ZNF536: variants seen among roughly 807,000 people sequenced by gnomAD.
The protein encoded by ZNF536 is zinc finger protein 536.
A neutral mutation model predicts 84.5 loss-of-function variants in ZNF536; 13 were observed. The ratio of observed to expected loss-of-function variants is 0.15; its 90% confidence interval spans 0.10 to 0.24. The LOEUF is 0.24. ZNF536 is among the 10% of genes least tolerant of loss of function. ZNF536 has a pLI of 1.00. For synonymous variants in ZNF536, 811 were observed against 742.5 expected (o/e 1.09, Z -1.50); for missense variants, 1,536 against 1,747.5 (o/e 0.88, Z 2.16).
intron 1 of ZNF536, among the ~76,000 whole-genome samples, chr19:30,706,660 G>A (rs55809227): frequency 0.012 from 1,888 of 152,214 alleles, 38 homozygotes; most frequent in African/African-American, 0.044. Flanking sequence ...ATGGTACCAA[G>A]GGTTTTGGTT....
intron 1 of ZNF536, among the ~76,000 whole-genome samples, chr19:30,244,604 C>A (rs1331595466): frequency 6.6e-6 from 1 of 152,226 alleles, no homozygotes; most frequent in African/African-American, 2.4e-5. Flanking sequence ...TGTCTGCCTG[C>A]TGCACTGCCT....
At chr19:30,264,188 G>A (rs1165902372) in intron 1 of ZNF536, among the ~76,000 whole-genome samples, 1 of 152,178 alleles carries the variant, frequency 6.6e-6, no homozygotes, top group African/African-American at 2.4e-5. Flanking sequence ...TAATCAGCCC[G>A]GAGAGGCCTG....
chr19:30,407,142 T>G (rs188296497), intron 1 of ZNF536, among the ~76,000 whole-genome samples: 89 of 152,246 alleles, frequency 5.8e-4, no homozygotes, highest in African/African-American at 2.0e-3. Flanking sequence ...CAACTCCACT[T>G]TGCTCCTCCC....
chr19:30,609,154 C>A, intron 1 of ZNF536, among the ~76,000 whole-genome samples: 1 of 152,130 alleles, frequency 6.6e-6, no homozygotes. Flanking sequence ...ATCCCTTGCC[C>A]CATCTCAGCT....
intron 2 of ZNF536, among the ~76,000 whole-genome samples, chr19:30,458,425 A>T (rs2052959361): frequency 7.0e-6 from 1 of 142,732 alleles, no homozygotes; most frequent in East Asian, 2.1e-4. Context: ...CTAGGGTCCA[A>T]GTATTTCCTC....
chr19:30,281,196 C>G (rs1298456005), intron 1 of ZNF536, among the ~76,000 whole-genome samples: 1 of 152,150 alleles, frequency 6.6e-6, no homozygotes, highest in African/African-American at 2.4e-5. Flanking sequence ...CTTGGAAGTA[C>G]CTCTGGCTCT....
intron 3 of ZNF536, among the ~76,000 whole-genome samples, chr19:30,536,054 T>A (rs950202915): frequency 6.6e-6 from 1 of 152,092 alleles, no homozygotes; most frequent in Non-Finnish European, 1.5e-5. Flanking sequence ...CCAGCCCTGT[T>A]CATCCTGCAT....
chr19:30,619,260 G>T (rs556877947), intron 1 of ZNF536, among the ~76,000 whole-genome samples: 2 of 151,808 alleles, frequency 1.3e-5, no homozygotes, highest in South Asian at 4.2e-4. Flanking sequence ...TTGTTTGATT[G>T]GTTTGATGGG....
chr19:30,388,982 G>A (rs1418611749), intron 1 of ZNF536, among the ~76,000 whole-genome samples: 1 of 152,190 alleles, frequency 6.6e-6, no homozygotes, highest in Non-Finnish European at 1.5e-5. Flanking sequence ...AGCCCCTTCA[G>A]GAGGTGTAAA....
Position 30,557,366 on chromosome 19 carries a change from A to C in ZNF536, c.*202A>C, listed in dbSNP as rs554893653. ...TATATAGCAGAGAATCAGAGGCTAA[A>C]AATATTACCCCATATGTTCCAGTAT... On this transcript the variant is annotated 3_prime_UTR_variant, in exon 5 of 5. Transcript: ENST00000355537. 59 of 501,768 alleles carry C rather than the reference A, an allele frequency of 1.2e-4. No individual in the cohort carries two copies. The highest frequency in any genetic ancestry group is 1.1e-3 in the African/African-American group (55 of 51,138). 31.1% of individuals were successfully genotyped at this position (501,768 alleles called of 1,614,324 possible). A position where few individuals can be genotyped will look rare whatever the true frequency, so the allele number is the denominator to read the frequency against.
intron 1 of ZNF536, among the ~76,000 whole-genome samples, chr19:30,431,923 C>G (rs924320722): frequency 3.3e-5 from 5 of 152,048 alleles, no homozygotes; most frequent in African/African-American, 1.2e-4. Context: ...AATCAATACA[C>G]TCCTGACAAC....
intron 2 of ZNF536, among the ~76,000 whole-genome samples, chr19:30,292,512 C>T (rs192169817): frequency 1.3e-4 from 19 of 151,842 alleles, no homozygotes; most frequent in Admixed American, 3.3e-4. Flanking sequence ...TGTATTTTTT[C>T]GTAGAGACAC....
intron 1 of ZNF536, among the ~76,000 whole-genome samples, chr19:30,685,298 C>G (rs762617149): frequency 6.6e-6 from 1 of 152,214 alleles, no homozygotes; most frequent in Non-Finnish European, 1.5e-5. Context: ...GGCTTTAGAA[C>G]AAGTCCTCGA....
intron 1 of ZNF536, among the ~76,000 whole-genome samples, chr19:30,666,479 C>G (rs772564982): frequency 3.9e-5 from 6 of 152,106 alleles, no homozygotes; most frequent in Admixed American, 6.5e-5. Flanking sequence ...ACTGGCTGCA[C>G]TCACGTCCTT....
At chr19:30,287,414 G>A (rs1311799483) in intron 2 of ZNF536, among the ~76,000 whole-genome samples, 1 of 151,564 alleles carries the variant, frequency 6.6e-6, no homozygotes, top group Non-Finnish European at 1.5e-5. Flanking sequence ...TGGATGGATG[G>A]ATAGATGAAT....
intron 1 of ZNF536, among the ~76,000 whole-genome samples, chr19:30,439,590 C>T (rs2051918601): frequency 1.3e-5 from 2 of 152,204 alleles, no homozygotes; most frequent in South Asian, 4.1e-4. Flanking sequence ...TGCCCCATTG[C>T]AGCGGCCTCG....
intron 1 of ZNF536, among the ~76,000 whole-genome samples, chr19:30,398,641 T>C (rs1230960877): frequency 6.6e-6 from 1 of 152,120 alleles, no homozygotes; most frequent in African/African-American, 2.4e-5. Context: ...CATGCGGTGT[T>C]TGGTTTTCTG....
chr19:30,569,683 G>T (rs1424580261), intron 1 of ZNF536, among the ~76,000 whole-genome samples: 1 of 136,770 alleles, frequency 7.3e-6, no homozygotes, highest in Admixed American at 8.4e-5. Context: ...TGATTCTCTT[G>T]CCTCCGCCTC....
At chr19:30,438,920 T>A (rs1356497561) in intron 1 of ZNF536, among the ~76,000 whole-genome samples, 1 of 152,072 alleles carries the variant, frequency 6.6e-6, no homozygotes, top group Non-Finnish European at 1.5e-5. Context: ...GGGCTCAGCC[T>A]CCCAAAGTGC....
Sources: gnomAD v4.1 joint callset for allele counts (sites outside exome capture counted in the v4.1 genomes callset) on GRCh38, gnomAD v4.1.1 for gene constraint, MANE v1.5 for transcripts, NCBI Gene and HGNC (gene_info 2026-07-23, HGNC 2026-07-21) for gene names.